CSMD3: variants seen among roughly 807,000 people sequenced by gnomAD.
CSMD3 encodes the protein CUB and sushi domain-containing protein 3.
CSMD3 carries 177 observed loss-of-function variants against 435.2 expected under a neutral mutation model. The observed-to-expected ratio is 0.41, with a 90% CI of 0.36 to 0.46. The LOEUF (loss-of-function observed/expected upper bound fraction) is 0.46, where lower values mean the gene tolerates loss of function less well. CSMD3 is among the 20% of genes least tolerant of loss of function. The pLI, the probability that CSMD3 is intolerant of heterozygous loss-of-function variation, is 0.34. For synonymous variants in CSMD3, 1,656 were observed against 1,520.5 expected (o/e 1.09, Z -2.07); for missense variants, 4,265 against 4,504.6 (o/e 0.95, Z 1.52).
chr8:112,314,753 C>G lies in CSMD3; in HGVS notation c.7361-136G>C, dbSNP rs944483351. 6 of 697,046 alleles carry G rather than the reference C, an allele frequency of 8.6e-6. No individual in the cohort carries two copies. In the Admixed American group the frequency reaches 1.1e-4, roughly 13 times the overall value. The allele number at this position is 697,046 out of a possible 1,614,324, so 43.2% of individuals were successfully genotyped here. On this transcript the variant is annotated intron_variant, in intron 47 of 70. Transcript: ENST00000297405. ...ACGTTGAATTATTTGTTAGAAGAGA[C>G]AAGTTGTATTAAACTTATGATTCAA...
At chr8:113,113,635 A>C (rs2090732894) in intron 4 of CSMD3, among the ~76,000 whole-genome samples, 2 of 152,152 alleles carry the variant, frequency 1.3e-5, no homozygotes, top group Non-Finnish European at 2.9e-5. Context: ...AGAAATAATC[A>C]CATACTGTTG....
In CSMD3 at chr8:112,517,054, G is replaced by T. The variant is rs2130987372; in HGVS notation, c.4736C>A (p.Pro1579His). The change falls in exon 28 of 71, where the codon CCC (proline) becomes CAC (histidine). Residue 1579 changes from proline to histidine, a missense_variant. Physicochemically the swap from Pro to His is moderately conservative, Grantham distance 77. Coordinates refer to ENST00000297405, the MANE Select transcript of CSMD3 (RefSeq NM_198123.2). ...IQVENRYFWQPSPPVCIAPCG... is the reference protein window; with the variant it reads ...IQVENRYFWQHSPPVCIAPCG... ...CATACCTATACAGACTGGTGGGCTGGGCTGCCAGAAGTACCGATTTTCTAC... is the reference window on the plus strand; with the variant it reads ...CATACCTATACAGACTGGTGGGCTGTGCTGCCAGAAGTACCGATTTTCTAC... 6.2e-7 allele frequency: 1 copy of T among 1,613,166 alleles called. No individual in the cohort carries two copies. Among genetic ancestry groups the T allele is most frequent in the Non-Finnish European group, 8.5e-7 (1 of 1,179,556 alleles).
chr8:112,725,353 G>A (rs1054535933), intron 13 of CSMD3, among the ~76,000 whole-genome samples: 1 of 151,860 alleles, frequency 6.6e-6, no homozygotes, highest in African/African-American at 2.4e-5. Flanking sequence ...TATATTAACA[G>A]GAAGAAAGTC....
chr8:112,343,001 T>TTTTATA lies in CSMD3; in HGVS notation c.6443-1316_6443-1315insTATAAA, dbSNP rs72258524. Among the ~76,000 whole-genome samples the TTTTATA allele has an allele frequency of 9.8e-4, 108 of 109,678 alleles. 3 individuals carry two copies. The East Asian group carries it at 0.026, about 26-fold the overall frequency. 72.0% of individuals were successfully genotyped at this position (109,678 alleles called of 152,430 possible). ...TATATATATATTTATATATATATAT[T>TTTTATA]TATATATATATATATTTATATATAT... is the stretch of plus-strand genomic sequence containing the variant. On this transcript the variant is annotated intron_variant, in intron 41 of 70. Coordinates refer to ENST00000297405, the MANE Select transcript of CSMD3 (RefSeq NM_198123.2).
At chr8:113,362,616 C>T (rs1322724843) in intron 1 of CSMD3, among the ~76,000 whole-genome samples, 1 of 152,106 alleles carries the variant, frequency 6.6e-6, no homozygotes, top group Non-Finnish European at 1.5e-5. Flanking sequence ...CAGCTCTTTC[C>T]CACTCAGTAT....
intron 6 of CSMD3, among the ~76,000 whole-genome samples, chr8:113,008,667 A>G (rs1242782458): frequency 6.6e-6 from 1 of 151,706 alleles, no homozygotes; most frequent in African/African-American, 2.4e-5. Flanking sequence ...ATGTAGCTGT[A>G]TTGTAGTGAA....
chr8:112,464,049 A>G (rs926910599), intron 32 of CSMD3, among the ~76,000 whole-genome samples: 1 of 152,088 alleles, frequency 6.6e-6, no homozygotes, highest in Non-Finnish European at 1.5e-5. Flanking sequence ...ATCCTGGCTA[A>G]CACGGTGAAA....
chr8:112,751,216 C>T (rs1193540967), intron 13 of CSMD3, among the ~76,000 whole-genome samples: 1 of 152,112 alleles, frequency 6.6e-6, no homozygotes, highest in Non-Finnish European at 1.5e-5. Flanking sequence ...CAGTCTGAGG[C>T]ATGTCTTCAT....
chr8:112,254,377 T>C (rs1262974296), intron 62 of CSMD3, 51 bp from the exon 63 acceptor site: 3 of 1,211,786 alleles, frequency 2.5e-6, no homozygotes, highest in African/African-American at 3.0e-5. Context: ...ACAATAGATA[T>C]AGTTCTCTCA....
intron 9 of CSMD3, among the ~76,000 whole-genome samples, chr8:112,943,455 G>C (rs1242756043): frequency 1.3e-5 from 2 of 151,622 alleles, no homozygotes; most frequent in African/African-American, 4.8e-5. Context: ...CAGGGGCAGA[G>C]ACTGGTAATT....
chr8:112,762,976 C>T lies in CSMD3; in HGVS notation c.1972+37186G>A, dbSNP rs142914149. Among the ~76,000 whole-genome samples, 22 of 151,606 alleles carry T rather than the reference C, an allele frequency of 1.5e-4. No homozygotes were observed. The South Asian group carries it at 1.5e-3, about 10-fold the overall frequency. On this transcript the variant is annotated intron_variant, in intron 13 of 70. Coordinates refer to ENST00000297405, the MANE Select transcript of CSMD3 (RefSeq NM_198123.2). ...GTCAGATAGAACTAATTAGTTCAAG[C>T]GATGTATTGTACCTGATGACTATAG...
chr8:113,134,507 T>G (rs1044970470), intron 4 of CSMD3, among the ~76,000 whole-genome samples: 1 of 152,056 alleles, frequency 6.6e-6, no homozygotes, highest in African/African-American at 2.4e-5. Context: ...GAAAAGCCTG[T>G]AAGAACACAG....
At chr8:112,667,394 C>G (rs757514938) in intron 16 of CSMD3, among the ~76,000 whole-genome samples, 3 of 152,180 alleles carry the variant, frequency 2.0e-5, no homozygotes, top group Non-Finnish European at 4.4e-5. Context: ...CCAACCCATC[C>G]TCAAGCTCAC....
intron 22 of CSMD3, among the ~76,000 whole-genome samples, chr8:112,598,424 G>A (rs1372934169): frequency 6.7e-6 from 1 of 148,278 alleles, no homozygotes; most frequent in African/African-American, 2.5e-5. Context: ...AATCAATATT[G>A]TGAAAATGGC....
At chr8:113,147,184 T>C (rs924959811) in intron 4 of CSMD3, among the ~76,000 whole-genome samples, 1 of 151,686 alleles carries the variant, frequency 6.6e-6, no homozygotes, top group Non-Finnish European at 1.5e-5. Context: ...ATAAAAGGAA[T>C]ATTATTGGAA....
chr8:113,318,047 T>G (rs1317792038), intron 1 of CSMD3, among the ~76,000 whole-genome samples: 1 of 152,188 alleles, frequency 6.6e-6, no homozygotes, highest in Non-Finnish European at 1.5e-5. Context: ...ACTCTGTACA[T>G]ATATCCTTGT....
At chr8:112,547,472 T>G (rs1827284113) in intron 27 of CSMD3, among the ~76,000 whole-genome samples, 1 of 151,822 alleles carries the variant, frequency 6.6e-6, no homozygotes, top group South Asian at 2.1e-4. Flanking sequence ...CGCTTGAACT[T>G]AGGAGGTTGA....
At chr8:113,231,075 C>A (rs907492598) in intron 3 of CSMD3, among the ~76,000 whole-genome samples, 4 of 151,302 alleles carry the variant, frequency 2.6e-5, no homozygotes, top group African/African-American at 7.3e-5. Context: ...AGAATTCATG[C>A]AATACTTCTG....
rs183843366 is a variant in CSMD3 at position 113,176,012 on chromosome 8, G to A, written c.515-2096C>T. ...AACAAATAAATGTATCCAGAATAAA[G>A]TACCTAAAGCAAAATGGAAATCATG... On this transcript the variant is annotated intron_variant, in intron 3 of 70. Coordinates refer to ENST00000297405, the MANE Select transcript of CSMD3 (RefSeq NM_198123.2). Among the ~76,000 whole-genome samples the A allele has an allele frequency of 3.3e-5, 5 of 152,046 alleles. No individual in the cohort carries two copies. The East Asian group carries it at 9.7e-4, about 29-fold the overall frequency.
Sources: gnomAD v4.1 joint callset for allele counts (sites outside exome capture counted in the v4.1 genomes callset) on GRCh38, gnomAD v4.1.1 for gene constraint, MANE v1.5 for transcripts, NCBI Gene and HGNC (gene_info 2026-07-23, HGNC 2026-07-21) for gene names.